The following KCNK10 variants were observed in gnomAD, a reference collection of about 807,000 sequenced individuals.
KCNK10 encodes potassium channel subfamily K member 10.
In KCNK10, 25 loss-of-function variants were observed where a neutral mutation model predicts 47.7. The observed-to-expected ratio is 0.52, with a 90% CI of 0.38 to 0.73. The LOEUF (loss-of-function observed/expected upper bound fraction) is 0.73, where lower values mean the gene tolerates loss of function less well. KCNK10 is among the 30% of genes least tolerant of loss of function. The pLI is 0.00. For missense variants in KCNK10, 563 were observed against 714.5 expected (o/e 0.79, Z 2.42); for synonymous variants, 303 against 285.6 (o/e 1.06, Z -0.61).
chr14:88,293,947 G>C (rs1053155238), intron 1 of KCNK10, among the ~76,000 whole-genome samples: 1 of 152,134 alleles, frequency 6.6e-6, no homozygotes, highest in African/African-American at 2.4e-5. Flanking sequence ...CCAAGTAGCT[G>C]AAGTTACAAG....
intron 4 of KCNK10, among the ~76,000 whole-genome samples, chr14:88,216,602 A>G (rs1409075400): frequency 6.6e-6 from 1 of 152,202 alleles, no homozygotes; most frequent in Non-Finnish European, 1.5e-5. Context: ...GGAGCCGTCC[A>G]TGGAAAAACT....
At chr14:88,314,500 G>C (rs1473597587) in intron 1 of KCNK10, among the ~76,000 whole-genome samples, 3 of 152,180 alleles carry the variant, frequency 2.0e-5, no homozygotes, top group Non-Finnish European at 4.4e-5. Context: ...CTAATAAAAT[G>C]GGTACATTAA....
chr14:88,239,813 T>C (rs1481428247), intron 3 of KCNK10, among the ~76,000 whole-genome samples: 1 of 151,542 alleles, frequency 6.6e-6, no homozygotes, highest in African/African-American at 2.4e-5. Flanking sequence ...GAGCCGAGAT[T>C]GCACCACTGC....
chr14:88,284,320 T>C (rs1887718218), intron 1 of KCNK10, among the ~76,000 whole-genome samples: 1 of 152,124 alleles, frequency 6.6e-6, no homozygotes, highest in Non-Finnish European at 1.5e-5. Flanking sequence ...CCAGCCTCCA[T>C]GACTGCATTA....
intron 4 of KCNK10, among the ~76,000 whole-genome samples, chr14:88,214,015 C>T (rs1885541369): frequency 6.6e-6 from 1 of 151,556 alleles, no homozygotes; most frequent in Non-Finnish European, 1.5e-5. Flanking sequence ...TCTTGGCTCA[C>T]TGCAACCTCC....
chr14:88,210,604 A>G (rs1475111494), intron 4 of KCNK10, among the ~76,000 whole-genome samples: 1 of 152,154 alleles, frequency 6.6e-6, no homozygotes, highest in Non-Finnish European at 1.5e-5. Context: ...CTCTGCGCAC[A>G]GGGCCCAAGC....
At chr14:88,267,757 C>T (rs896048642) in intron 1 of KCNK10, among the ~76,000 whole-genome samples, 6 of 152,098 alleles carry the variant, frequency 3.9e-5, no homozygotes, top group African/African-American at 1.4e-4. Context: ...AATACAGTTG[C>T]CTTATGACCT....
intron 4 of KCNK10, among the ~76,000 whole-genome samples, chr14:88,224,666 G>A (rs1353694569): frequency 6.6e-6 from 1 of 152,210 alleles, no homozygotes; most frequent in Non-Finnish European, 1.5e-5. Context: ...TTGGAGTGCA[G>A]TGGCACGATC....
At chr14:88,276,847 G>C (rs969458010) in intron 1 of KCNK10, among the ~76,000 whole-genome samples, 9 of 152,214 alleles carry the variant, frequency 5.9e-5, no homozygotes, top group Non-Finnish European at 1.3e-4. Context: ...CTCAGCTACA[G>C]CTGTCATGAT....
intron 1 of KCNK10, among the ~76,000 whole-genome samples, chr14:88,286,629 T>C (rs995456504): frequency 2.0e-5 from 3 of 152,170 alleles, no homozygotes; most frequent in African/African-American, 7.2e-5. Flanking sequence ...GGACTCACAG[T>C]TCCATGTGGC....
At chr14:88,198,901 T>TTTTATTTTAC (rs1885009723) in intron 4 of KCNK10, among the ~76,000 whole-genome samples, 1 of 145,326 alleles carries the variant, frequency 6.9e-6, no homozygotes, top group African/African-American at 2.6e-5. Context: ...TCTTATTTTA[T>TTTTATTTTAC]TTTATTTTAT....
chr14:88,313,908 T>C (rs1258480167), intron 1 of KCNK10, among the ~76,000 whole-genome samples: 1 of 152,222 alleles, frequency 6.6e-6, no homozygotes, highest in Admixed American at 6.5e-5. Flanking sequence ...ATGACACCAC[T>C]TTTCTTCTCA....
intron 1 of KCNK10, among the ~76,000 whole-genome samples, chr14:88,281,945 GTTATA>G (rs1887661000): frequency 1.3e-5 from 2 of 151,518 alleles, no homozygotes; most frequent in Non-Finnish European, 2.9e-5. Flanking sequence ...TATGATTGTA[GTTATA>G]TTATTTGTTT....
chr14:88,191,340 A>AACACACACACACACACACACACAC (rs56194944), intron 5 of KCNK10, among the ~76,000 whole-genome samples: 7 of 149,958 alleles, frequency 4.7e-5, no homozygotes, highest in East Asian at 2.0e-4. Context: ...TGGTAAAGGA[A>AACACACACACACACACACACACAC]ACACACACAC....
At chr14:88,192,900 G>A (rs976817033) in intron 4 of KCNK10, among the ~76,000 whole-genome samples, 18 of 152,288 alleles carry the variant, frequency 1.2e-4, no homozygotes, top group Admixed American at 2.6e-4. Flanking sequence ...AAAATTATCT[G>A]AGTCAGGCCA....
At chr14:88,234,274 T>G (rs1886234931) in intron 3 of KCNK10, among the ~76,000 whole-genome samples, 1 of 152,246 alleles carries the variant, frequency 6.6e-6, no homozygotes, top group African/African-American at 2.4e-5. Context: ...CATGGGCATC[T>G]TGAATACTTT....
chr14:88,245,539 G>A (rs1193812945), intron 2 of KCNK10, among the ~76,000 whole-genome samples: 2 of 152,162 alleles, frequency 1.3e-5, no homozygotes, highest in East Asian at 1.9e-4. Flanking sequence ...TCCAGACAGC[G>A]TGCGATACCA....
intron 2 of KCNK10, among the ~76,000 whole-genome samples, chr14:88,261,726 C>T (rs189477268): frequency 5.7e-4 from 86 of 151,510 alleles, no homozygotes; most frequent in African/African-American, 2.0e-3. Context: ...CACCACTGCA[C>T]TCCAGCCTAA....
At chr14:88,306,265 A>G (rs1235767064) in intron 1 of KCNK10, among the ~76,000 whole-genome samples, 1 of 152,226 alleles carries the variant, frequency 6.6e-6, no homozygotes, top group Admixed American at 6.5e-5. Flanking sequence ...TTGTTCATGT[A>G]CTTTCAGCTA....
Sources: gnomAD v4.1 joint callset for allele counts (sites outside exome capture counted in the v4.1 genomes callset) on GRCh38, gnomAD v4.1.1 for gene constraint, MANE v1.5 for transcripts, NCBI Gene and HGNC (gene_info 2026-07-23, HGNC 2026-07-21) for gene names.